Variants in CPVL observed in about 807,000 individuals in gnomAD.
CPVL encodes the protein probable serine carboxypeptidase CPVL.
A neutral mutation model predicts 63.7 loss-of-function variants in CPVL; 51 were observed. The observed-to-expected ratio is 0.80, with a 90% confidence interval of 0.64 to 1.01. The LOEUF is 1.01. Ranked by LOEUF, CPVL falls within the 50% of genes least tolerant of loss-of-function variation. The pLI is 0.00. For synonymous variants in CPVL, 195 were observed against 206.0 expected (o/e 0.95, Z 0.46); for missense variants, 530 against 573.1 (o/e 0.92, Z 0.77).
At chr7:29,020,730 A>C (rs961746483) in intron 12 of CPVL, among the ~76,000 whole-genome samples, 12 of 152,260 alleles carry the variant, frequency 7.9e-5, no homozygotes, top group African/African-American at 2.9e-4. Flanking sequence ...AGGATAAAGC[A>C]CAAATTAATA....
At chr7:29,013,576 C>G (rs1172698225) in intron 12 of CPVL, among the ~76,000 whole-genome samples, 1 of 152,204 alleles carries the variant, frequency 6.6e-6, no homozygotes, top group Non-Finnish European at 1.5e-5. Context: ...GTCATGCAAA[C>G]AAAGAAAGAC....
chr7:29,181,881 T>C (rs1156968690), intron 4 of CPVL, among the ~76,000 whole-genome samples: 2 of 152,196 alleles, frequency 1.3e-5, no homozygotes, highest in East Asian at 3.9e-4. Context: ...AGTACCTAAG[T>C]ATTTATTCAT....
chr7:29,035,133 A>G (rs1466801621), intron 11 of CPVL, among the ~76,000 whole-genome samples: 1 of 152,136 alleles, frequency 6.6e-6, no homozygotes, highest in Non-Finnish European at 1.5e-5. Context: ...TGAGAAAAGC[A>G]TCTTTATTAT....
intron 12 of CPVL, among the ~76,000 whole-genome samples, chr7:29,014,971 C>A (rs1786254145): frequency 6.6e-6 from 1 of 152,226 alleles, no homozygotes; most frequent in Non-Finnish European, 1.5e-5. Flanking sequence ...TCTGTCATTC[C>A]TTCTGTGGAC....
At chr7:29,164,609 C>A (rs1795649563) in intron 5 of CPVL, among the ~76,000 whole-genome samples, 8 of 151,656 alleles carry the variant, frequency 5.3e-5, no homozygotes, top group Admixed American at 5.3e-4. Context: ...GGCAAAACCC[C>A]ATCTCTACTA....
intron 11 of CPVL, among the ~76,000 whole-genome samples, chr7:29,046,567 G>GCACA (rs10546847): frequency 2.5e-3 from 374 of 149,782 alleles, no homozygotes; most frequent in African/African-American, 7.5e-3. Flanking sequence ...GTGCGCGCGT[G>GCACA]CACACACACA....
At chr7:29,018,904 G>C (rs757523121) in intron 12 of CPVL, among the ~76,000 whole-genome samples, 1 of 152,178 alleles carries the variant, frequency 6.6e-6, no homozygotes, top group Non-Finnish European at 1.5e-5. Flanking sequence ...CTGGGACCCA[G>C]AGATAACACT....
intron 1 of CPVL, chr7:29,192,516 C>A (rs1783020364): frequency 6.6e-6 from 1 of 152,170 alleles, no homozygotes; most frequent in South Asian, 2.1e-4. Flanking sequence ...TAAGACATTT[C>A]CCCCTAGTAG....
intron 12 of CPVL, chr7:29,000,877 A>C (rs1193446978): frequency 6.6e-6 from 1 of 152,172 alleles, no homozygotes; most frequent in East Asian, 1.9e-4. Context: ...GGCAACCATT[A>C]ATCTGCTTTC....
At chr7:29,059,529 C>A (rs759523240) in intron 11 of CPVL, among the ~76,000 whole-genome samples, 5 of 152,178 alleles carry the variant, frequency 3.3e-5, no homozygotes, top group Non-Finnish European at 5.9e-5. Context: ...CCTTAGCATG[C>A]AAGACTGGTT....
At chr7:29,053,976 G>A (rs1790457905) in intron 11 of CPVL, among the ~76,000 whole-genome samples, 1 of 152,032 alleles carries the variant, frequency 6.6e-6, no homozygotes, top group South Asian at 2.1e-4. Flanking sequence ...TTGGGGGACT[G>A]AGGCTGGAGG....
chr7:29,117,434 G>A (rs905516724), intron 2 of CPVL, among the ~76,000 whole-genome samples: 2 of 152,166 alleles, frequency 1.3e-5, no homozygotes, highest in Admixed American at 6.5e-5. Context: ...TGTTTAAGCT[G>A]TTTCTCTCAT....
intron 12 of CPVL, among the ~76,000 whole-genome samples, chr7:29,005,064 T>A (rs1367105385): frequency 3.9e-5 from 2 of 51,290 alleles, no homozygotes; most frequent in Admixed American, 2.0e-4. Flanking sequence ...ATCCAGCTAA[T>A]TTTTTTTGTA....
Position 29,029,301 on chromosome 7 carries a change from G to A in CPVL, c.1320+1276C>T, listed in dbSNP as rs117660552. On this transcript the variant is annotated intron_variant, in intron 12 of 12. Transcript: ENST00000265394. ...ATATGCTGCAGCAATTCCACTACTTGATATTTTTCTAAAGGAAAAGAAATC... is the reference window on the plus strand; with the variant it reads ...ATATGCTGCAGCAATTCCACTACTTAATATTTTTCTAAAGGAAAAGAAATC... Among the ~76,000 whole-genome samples, 1,161 of 152,124 alleles carry A rather than the reference G, an allele frequency of 7.6e-3. 5 individuals carry two copies. Among genetic ancestry groups the A allele is most frequent in the Non-Finnish European group, 0.011 (723 of 68,006 alleles).
At chr7:29,171,612 G>A (rs1248449279) in intron 5 of CPVL, among the ~76,000 whole-genome samples, 2 of 152,078 alleles carry the variant, frequency 1.3e-5, no homozygotes, top group African/African-American at 2.4e-5. Flanking sequence ...TACCTTAAGG[G>A]GCACTATTAA....
In CPVL at chr7:28,995,473, A is replaced by G. The variant is rs532730451; in HGVS notation, c.*299T>C. 3 of 257,270 alleles carry G rather than the reference A, an allele frequency of 1.2e-5. No individual in the cohort carries two copies. The Admixed American group carries it at 1.7e-4, about 15-fold the overall frequency. 15.9% of individuals were successfully genotyped at this position (257,270 alleles called of 1,614,324 possible). On this transcript the variant is annotated 3_prime_UTR_variant, in exon 13 of 13. Transcript: ENST00000265394. ...TTTTCACTTACTCTTAGAAGAAATT[A>G]AAACTTCCTATTCAAGACCCTAAAA... is the stretch of plus-strand genomic sequence containing the variant.
chr7:29,036,421 T>C (rs1415695476), intron 11 of CPVL, among the ~76,000 whole-genome samples: 1 of 152,210 alleles, frequency 6.6e-6, no homozygotes, highest in Non-Finnish European at 1.5e-5. Flanking sequence ...ACACAGCACT[T>C]CTTCTAAATA....
chr7:29,138,037 G>C (rs1791427937), intron 1 of CPVL, among the ~76,000 whole-genome samples: 1 of 152,220 alleles, frequency 6.6e-6, no homozygotes, highest in African/African-American at 2.4e-5. Context: ...ACAGCAGGCA[G>C]GAAGGCCAGT....
chr7:29,112,654 A>G, intron 3 of CPVL, 50 bp downstream of exon 3: 3 of 1,255,828 alleles, frequency 2.4e-6, no homozygotes, highest in African/African-American at 1.5e-5. Context: ...TCTACCCTCA[A>G]ACGGCAAGCC....
Sources: gnomAD v4.1 joint callset for allele counts (sites outside exome capture counted in the v4.1 genomes callset) on GRCh38, gnomAD v4.1.1 for gene constraint, MANE v1.5 for transcripts, NCBI Gene and HGNC (gene_info 2026-07-23, HGNC 2026-07-21) for gene names.